The following KCND2 variants were observed in gnomAD, a reference collection of about 807,000 sequenced individuals.
The protein encoded by KCND2 is potassium voltage-gated channel subfamily D member 2.
Under a neutral mutation model 54.4 loss-of-function variants are expected in KCND2, and 16 were observed. The observed-to-expected ratio is 0.29, with a 90% CI of 0.20 to 0.45. The LOEUF (loss-of-function observed/expected upper bound fraction) is 0.45, where lower values mean the gene tolerates loss of function less well. KCND2 is among the 20% of genes least tolerant of loss of function. The pLI, the probability that KCND2 is intolerant of heterozygous loss-of-function variation, is 1.00. For missense variants in KCND2, 486 were observed against 824.2 expected, an observed-to-expected ratio of 0.59 and a Z score of 5.02; for synonymous variants, 317 against 310.7, an observed-to-expected ratio of 1.02 and a Z score of -0.21.
At chr7:120,456,064 ACAG>A (rs1232216314) in intron 1 of KCND2, among the ~76,000 whole-genome samples, 2 of 152,218 alleles carry the variant, frequency 1.3e-5, no homozygotes, top group Non-Finnish European at 2.9e-5. Context: ...AACAGAAGTT[ACAG>A]CATGCAAAGC....
At chr7:120,707,878 C>T (rs1013406842) in intron 1 of KCND2, among the ~76,000 whole-genome samples, 2 of 152,048 alleles carry the variant, frequency 1.3e-5, no homozygotes, top group African/African-American at 4.8e-5. Flanking sequence ...AGAGTTTGCC[C>T]ACAGATAATT....
At position 120,634,498 on chromosome 7, in the gene KCND2, C is replaced by T. The variant is rs545969100; in HGVS notation, c.1116-98405C>T. Among the ~76,000 whole-genome samples the T allele has an allele frequency of 4.6e-5, 7 of 152,154 alleles. No individual in the cohort carries two copies. In the South Asian group the frequency reaches 8.3e-4, roughly 18 times the overall value. The stretch of plus-strand genomic sequence containing the variant: ...TACCGCCATACACTCGATACTCAAT[C>T]GAGAACCCTGGGTGTAATACTTGTG... On this transcript the variant is annotated intron_variant, in intron 1 of 5. Transcript: ENST00000331113.
intron 1 of KCND2, among the ~76,000 whole-genome samples, chr7:120,603,510 C>T (rs1461268189): frequency 6.6e-6 from 1 of 152,124 alleles, no homozygotes; most frequent in African/African-American, 2.4e-5. Flanking sequence ...GACTGGTGCC[C>T]AGCACTGAGC....
intron 1 of KCND2, among the ~76,000 whole-genome samples, chr7:120,319,493 C>A (rs181851952): frequency 1.1e-4 from 17 of 152,114 alleles, no homozygotes; most frequent in Admixed American, 7.9e-4. Flanking sequence ...ATCTTTTAGA[C>A]ATATTGGTTA....
At chr7:120,291,830 A>G (rs1298045273) in intron 1 of KCND2, among the ~76,000 whole-genome samples, 1 of 151,910 alleles carries the variant, frequency 6.6e-6, no homozygotes, top group Non-Finnish European at 1.5e-5. Context: ...GTTGAAAAGA[A>G]TAAAAGTCAA....
chr7:120,737,035 T>TACACACACAC (rs768582158), intron 2 of KCND2, among the ~76,000 whole-genome samples: 15 of 98,768 alleles, frequency 1.5e-4, no homozygotes, highest in East Asian at 7.9e-4. Context: ...CTGGAAAGCT[T>TACACACACAC]ACACACACAC....
At chr7:120,433,759 T>A (rs960331430) in intron 1 of KCND2, among the ~76,000 whole-genome samples, 1 of 152,160 alleles carries the variant, frequency 6.6e-6, no homozygotes, top group Non-Finnish European at 1.5e-5. Flanking sequence ...CATGAACAAC[T>A]TGCAGTAGTA....
chr7:120,463,644 A>G (rs1028033670), intron 1 of KCND2, among the ~76,000 whole-genome samples: 1 of 152,092 alleles, frequency 6.6e-6, no homozygotes, highest in Non-Finnish European at 1.5e-5. Flanking sequence ...GAAATTTACT[A>G]GCAGCCACTG....
At chr7:120,476,848 A>C (rs552872383) in intron 1 of KCND2, among the ~76,000 whole-genome samples, 8 of 152,214 alleles carry the variant, frequency 5.3e-5, no homozygotes, top group African/African-American at 1.4e-4. Flanking sequence ...TATCTAAACT[A>C]TAAGAGGAGC....
intron 1 of KCND2, among the ~76,000 whole-genome samples, chr7:120,308,403 ATCAGCATGAGAGCTCTT>A (rs1268397383): frequency 6.6e-6 from 1 of 152,110 alleles, no homozygotes; most frequent in Non-Finnish European, 1.5e-5. Context: ...TCTTACTGTT[ATCAGCATGAGAGCTCTT>A]TCAGTTTGTC....
At chr7:120,363,990 T>C (rs901586860) in intron 1 of KCND2, among the ~76,000 whole-genome samples, 6 of 152,144 alleles carry the variant, frequency 3.9e-5, no homozygotes, top group African/African-American at 9.6e-5. Context: ...TCTCATCCTT[T>C]AAGTGTCTGG....
At chr7:120,721,436 A>G (rs541996401) in intron 1 of KCND2, among the ~76,000 whole-genome samples, 1 of 152,352 alleles carries the variant, frequency 6.6e-6, no homozygotes, top group South Asian at 2.1e-4. Context: ...TTAGGAGATA[A>G]CTTTGTCTCA....
chr7:120,413,084 T>G (rs1801474121), intron 1 of KCND2, among the ~76,000 whole-genome samples: 1 of 152,106 alleles, frequency 6.6e-6, no homozygotes, highest in African/African-American at 2.4e-5. Context: ...TTGTGACTAC[T>G]AGCACCACCT....
Position 120,748,110 on chromosome 7 carries a change from G to A in KCND2, c.*252G>A, listed in dbSNP as rs906516894. ...TTGTGAATGAGCACAATGAAATGCC[G>A]CCTACTGATGCTTCTTATGATCAGA... On this transcript the variant is annotated 3_prime_UTR_variant, in exon 6 of 6. Transcript: ENST00000331113. 14 of 320,450 alleles carry A rather than the reference G, an allele frequency of 4.4e-5. No individual in the cohort carries two copies. The highest frequency in any genetic ancestry group is 2.3e-4 in the Admixed American group (5 of 21,732). 19.9% of individuals were successfully genotyped at this position (320,450 alleles called of 1,614,324 possible).
intron 1 of KCND2, among the ~76,000 whole-genome samples, chr7:120,428,321 T>C (rs1051296025): frequency 1.3e-5 from 2 of 152,166 alleles, no homozygotes; most frequent in Non-Finnish European, 2.9e-5. Context: ...CAATATGGTG[T>C]AATAAATGCT....
chr7:120,646,235 A>G (rs755821712), intron 1 of KCND2, among the ~76,000 whole-genome samples: 33 of 152,168 alleles, frequency 2.2e-4, no homozygotes, highest in Admixed American at 6.5e-4. Context: ...GAGAAATTTG[A>G]AAAACATTCA....
chr7:120,534,672 G>A (rs1791880936), intron 1 of KCND2, among the ~76,000 whole-genome samples: 1 of 152,056 alleles, frequency 6.6e-6, no homozygotes, highest in Non-Finnish European at 1.5e-5. Flanking sequence ...ATATACTATA[G>A]TAATATAAGA....
At chr7:120,539,195 A>G (rs1163939720) in intron 1 of KCND2, among the ~76,000 whole-genome samples, 2 of 152,204 alleles carry the variant, frequency 1.3e-5, no homozygotes, top group Non-Finnish European at 2.9e-5. Flanking sequence ...ATTACATAGC[A>G]TATGCATACA....
intron 1 of KCND2, among the ~76,000 whole-genome samples, chr7:120,353,133 C>CTTTTTTTTT (rs72353278): frequency 5.4e-5 from 5 of 91,790 alleles, no homozygotes; most frequent in African/African-American, 8.5e-5. Context: ...AATACTTTTA[C>CTTTTTTTTT]TTTTTTTTTT....
Sources: gnomAD v4.1 joint callset for allele counts (sites outside exome capture counted in the v4.1 genomes callset) on GRCh38, gnomAD v4.1.1 for gene constraint, MANE v1.5 for transcripts, NCBI Gene and HGNC (gene_info 2026-07-23, HGNC 2026-07-21) for gene names.